Variants in UBR3 observed in about 807,000 individuals in gnomAD.
UBR3 encodes E3 ubiquitin-protein ligase UBR3.
Under a neutral mutation model 243.2 loss-of-function variants are expected in UBR3, and 85 were observed. That is an observed-to-expected ratio of 0.35 (90% confidence interval 0.29 to 0.42). The LOEUF (loss-of-function observed/expected upper bound fraction) is 0.42, where lower values mean the gene tolerates loss of function less well. UBR3 is among the 10% of genes least tolerant of loss of function. The pLI, the probability that UBR3 is intolerant of heterozygous loss-of-function variation, is 1.00. For missense variants in UBR3, 1,686 were observed against 2,300.8 expected (o/e 0.73, Z 5.47); for synonymous variants, 748 against 799.8 (o/e 0.94, Z 1.09).
At position 169,914,065 on chromosome 2, in the gene UBR3, T is replaced by G; in HGVS notation, c.1785T>G (p.Thr595=). The G allele has an allele frequency of 6.8e-7, 1 of 1,471,322 alleles. No homozygotes were observed. Among genetic ancestry groups the G allele is most frequent in the Non-Finnish European group, 9.0e-7 (1 of 1,107,198 alleles). 91.1% of individuals were successfully genotyped at this position (1,471,322 alleles called of 1,614,324 possible). The change falls in exon 11 of 39, where the codon ACT becomes ACG. Residue 595 remains threonine, a synonymous_variant. Transcript: ENST00000272793. ...TATATAACTTACTATTTTAGGAAAC[T>G]CAAGAGTATACCCGAAATGTTGTTA... is the stretch of plus-strand genomic sequence containing the variant. The part of the protein sequence containing the change: ...GLLSHCKVRE[T]QEYTRNVVRY...
At chr2:169,975,210 G>C (rs1417641249) in intron 24 of UBR3, among the ~76,000 whole-genome samples, 1 of 152,066 alleles carries the variant, frequency 6.6e-6, no homozygotes, top group Non-Finnish European at 1.5e-5. Context: ...TTTCTTCCTT[G>C]ATCCATTGGT....
intron 1 of UBR3, among the ~76,000 whole-genome samples, chr2:169,857,064 GTTTTTTTT>G (rs770674966): frequency 1.1e-4 from 6 of 56,096 alleles, no homozygotes; most frequent in Non-Finnish European, 1.3e-4. Context: ...ATTTTATTAT[GTTTTTTTT>G]TTTTTTTTTT....
At chr2:169,899,747 G>A (rs574327195) in intron 8 of UBR3, among the ~76,000 whole-genome samples, 71 of 152,146 alleles carry the variant, frequency 4.7e-4, no homozygotes, top group African/African-American at 1.5e-3. Context: ...GAAAACATGC[G>A]GTGTTTGGTT....
chr2:169,944,390 ATTAT>A (rs894760969), intron 20 of UBR3, among the ~76,000 whole-genome samples: 42 of 152,202 alleles, frequency 2.8e-4, no homozygotes, highest in African/African-American at 8.2e-4. Context: ...CTTATGGCAA[ATTAT>A]TTATTATGCT....
intron 23 of UBR3, among the ~76,000 whole-genome samples, chr2:169,954,173 G>GTCTTGTCTTT (rs2087160923): frequency 9.7e-6 from 1 of 103,216 alleles, no homozygotes; most frequent in Non-Finnish European, 2.2e-5. Context: ...GATTTGTCTT[G>GTCTTGTCTTT]TCTTGTCTTG....
At chr2:169,898,402 C>G (rs2084672357) in intron 8 of UBR3, among the ~76,000 whole-genome samples, 1 of 152,170 alleles carries the variant, frequency 6.6e-6, no homozygotes, top group Non-Finnish European at 1.5e-5. Flanking sequence ...ATATGCTAGA[C>G]TCTTTTCTCA....
intron 33 of UBR3, 131 bp downstream of exon 33, chr2:170,055,715 C>A: frequency 8.8e-7 from 1 of 1,137,434 alleles, no homozygotes; most frequent in Non-Finnish European, 1.2e-6. Context: ...CACCTACAGG[C>A]TAAAAAATGT....
intron 5 of UBR3, among the ~76,000 whole-genome samples, chr2:169,888,131 T>G (rs1310470733): frequency 3.4e-5 from 5 of 148,110 alleles, no homozygotes; most frequent in Non-Finnish European, 7.4e-5. Context: ...ATTTATTTAT[T>G]TATTTATTTA....
chr2:170,038,223 A>G (rs568855029), intron 31 of UBR3, among the ~76,000 whole-genome samples: 2 of 152,302 alleles, frequency 1.3e-5, no homozygotes, highest in East Asian at 3.9e-4. Context: ...TTTGTGCAAT[A>G]AAGTACAGCT....
chr2:169,989,567 T>G (rs1213200422), intron 25 of UBR3, among the ~76,000 whole-genome samples: 1 of 152,178 alleles, frequency 6.6e-6, no homozygotes, highest in Non-Finnish European at 1.5e-5. Flanking sequence ...CTCTTTCATG[T>G]TTTTTGTTGT....
intron 27 of UBR3, among the ~76,000 whole-genome samples, chr2:170,003,549 A>G (rs1387098345): frequency 6.6e-6 from 1 of 152,132 alleles, no homozygotes; most frequent in Non-Finnish European, 1.5e-5. Context: ...CATAAGGCAC[A>G]GTTCCTTCCC....
chr2:169,867,277 AT>A (rs1432768950), intron 1 of UBR3, among the ~76,000 whole-genome samples: 2 of 152,158 alleles, frequency 1.3e-5, no homozygotes, highest in Non-Finnish European at 2.9e-5. Flanking sequence ...CTTCTCCAAA[AT>A]AGTATTTATA....
chr2:170,005,205 T>C (rs547944994), intron 27 of UBR3, among the ~76,000 whole-genome samples: 54 of 152,110 alleles, frequency 3.6e-4, no homozygotes, highest in African/African-American at 1.3e-3. Flanking sequence ...GTCTGGGCAA[T>C]AGAGCAAGGC....
intron 23 of UBR3, among the ~76,000 whole-genome samples, chr2:169,953,637 T>A (rs1435177892): frequency 1.3e-5 from 2 of 152,224 alleles, no homozygotes; most frequent in African/African-American, 2.4e-5. Context: ...AACAATGACA[T>A]CCCATTTCTG....
At chr2:170,021,855 A>C (rs2090399902) in intron 30 of UBR3, among the ~76,000 whole-genome samples, 1 of 152,172 alleles carries the variant, frequency 6.6e-6, no homozygotes, top group Admixed American at 6.5e-5. Context: ...TTAAGTAGCC[A>C]GGCCTTTCTG....
chr2:169,960,872 A>G (rs1021861758), intron 24 of UBR3, among the ~76,000 whole-genome samples: 2 of 152,226 alleles, frequency 1.3e-5, no homozygotes, highest in East Asian at 3.9e-4. Context: ...GTGCTACATA[A>G]TGGTTCTACA....
At chr2:169,919,026 T>C (rs1323873423) in intron 11 of UBR3, among the ~76,000 whole-genome samples, 1 of 152,138 alleles carries the variant, frequency 6.6e-6, no homozygotes, top group African/African-American at 2.4e-5. Flanking sequence ...TTAGTAGAAG[T>C]GTCAACTGAG....
At position 169,928,832 on chromosome 2, in the gene UBR3, G is replaced by C. The variant is rs1559103549; in HGVS notation, c.2530G>C (p.Gly844Arg). The stretch of plus-strand genomic sequence containing the variant: ...TTTTAAGGCTCCTGTTTTTGAACCT[G>C]GAGGTTCTATGCAACAAGGCATGTA... ...ADFKAPVFEPGGSMQQGMYTP... is the reference protein window; with the variant it reads ...ADFKAPVFEPRGSMQQGMYTP... Residue 844 changes from glycine to arginine, a missense_variant, in exon 18 of 39, where the codon GGA becomes CGA. Physicochemically the swap from Gly to Arg is moderately radical, Grantham distance 125. Transcript: ENST00000272793. 2.7e-6 allele frequency: 4 copies of C among 1,497,510 alleles called. No homozygotes were observed. Among genetic ancestry groups the C allele is most frequent in the Non-Finnish European group, 3.6e-6 (4 of 1,109,514 alleles). The allele number at this position is 1,497,510 out of a possible 1,614,324, so 92.8% of individuals were successfully genotyped here.
At chr2:169,990,734 C>CAA (rs1475951055) in intron 25 of UBR3, among the ~76,000 whole-genome samples, 1 of 150,414 alleles carries the variant, frequency 6.6e-6, no homozygotes, top group African/African-American at 2.5e-5. Context: ...CACACACACA[C>CAA]ACACACACAC....
Sources: allele counts gnomAD v4.1 joint callset (sites outside exome capture counted in the v4.1 genomes callset), GRCh38; gene constraint gnomAD v4.1.1; transcripts MANE v1.5; gene names NCBI Gene and HGNC (gene_info 2026-07-23, HGNC 2026-07-21).